CSF1R: variants seen among roughly 807,000 people sequenced by gnomAD.
The protein encoded by CSF1R is colony stimulating factor 1 receptor.
A neutral mutation model predicts 110.0 loss-of-function variants in CSF1R; 40 were observed. The observed-to-expected ratio is 0.36, with a 90% CI of 0.28 to 0.47. The LOEUF is 0.47. CSF1R is among the 20% of genes least tolerant of loss of function. The pLI is 0.99. For missense variants in CSF1R, 1,052 were observed against 1,253.0 expected (o/e 0.84, Z 2.42); for synonymous variants, 523 against 503.4 (o/e 1.04, Z -0.52).
At chr5:150,090,538 A>G (rs1458089891), upstream of CSF1R, among the ~76,000 whole-genome samples, 1 of 152,204 alleles carries the variant, frequency 6.6e-6, no homozygotes, top group Non-Finnish European at 1.5e-5. Flanking sequence ...TTACAGGATA[A>G]TGTCATATAA....
intron 1 of CSF1R, among the ~76,000 whole-genome samples, chr5:150,103,859 T>C (rs1472447087): frequency 6.6e-6 from 1 of 152,198 alleles, no homozygotes; most frequent in African/African-American, 2.4e-5. Context: ...CCTGACAACC[T>C]GGCAGGGTGC....
chr5:150,068,977 T>C (rs1757907810), intron 9 of CSF1R, among the ~76,000 whole-genome samples: 1 of 152,124 alleles, frequency 6.6e-6, no homozygotes, highest in Admixed American at 6.5e-5. Context: ...CTAGGGAAAA[T>C]TCTATTTATT....
At chr5:150,077,255 C>T (rs2113823698) in intron 5 of CSF1R, 21 bp downstream of exon 5, 3 of 1,614,072 alleles carry the variant, frequency 1.9e-6, no homozygotes, top group Non-Finnish European at 2.5e-6. Context: ...ACCGACTGTC[C>T]ACCACCACCC....
intron 1 of CSF1R, among the ~76,000 whole-genome samples, chr5:150,082,852 A>G (rs1051049435): frequency 1.3e-5 from 2 of 152,166 alleles, no homozygotes; most frequent in Admixed American, 6.5e-5. Flanking sequence ...CTACATTTCT[A>G]ATGTCCCTTC....
At chr5:150,093,930 G>A (rs955079537) in intron 1 of CSF1R, among the ~76,000 whole-genome samples, 6 of 152,096 alleles carry the variant, frequency 3.9e-5, no homozygotes, top group Non-Finnish European at 4.4e-5. Flanking sequence ...GGGTGTGGTG[G>A]CAGGTGCCTG....
In CSF1R at chr5:150,104,055, G is replaced by T. The variant is rs77755818; in HGVS notation, c.-181+9206C>A. 4.3e-4 allele frequency among the ~76,000 whole-genome samples: 66 copies of T among 152,254 alleles called. No homozygotes were observed. The East Asian group carries it at 7.0e-3, about 16-fold the overall frequency. On this transcript the variant is annotated intron_variant, in intron 1 of 21. Transcript: ENST00000286301. ...AGGGGGGTACCTGCACAGGTAACAA[G>T]CTCTCTAGCGGATTCTCATGCTCCC...
At position 150,059,861 on chromosome 5, in the gene CSF1R, G is replaced by A. The variant is rs2113787804; in HGVS notation, c.1971C>T (p.Gly657=). Residue 657 remains glycine, a splice_region_variant and synonymous_variant, in exon 14 of 21, where the codon GGC becomes GGT. Coordinates refer to ENST00000675795, the MANE Select transcript of CSF1R (RefSeq NM_001288705.3). ...VNLLGACTHG[G]PVLVITEYCC... Reference sequence around the variant, plus strand: ...AGTACTCCGTGATGACCAGTACAGGGCCTAGAGCAGCCAAGGGTGTGGGGT... The same window carrying A: ...AGTACTCCGTGATGACCAGTACAGGACCTAGAGCAGCCAAGGGTGTGGGGT... The A allele has an allele frequency of 6.2e-7, 1 of 1,607,014 alleles. No homozygotes were observed. The highest frequency in any genetic ancestry group is 8.5e-7 in the Non-Finnish European group (1 of 1,174,456).
At position 150,094,478 on chromosome 5, in the gene CSF1R, G is replaced by A. The variant is rs1581342647; in HGVS notation, c.-180-7871C>T. On this transcript the variant is annotated intron_variant, in intron 1 of 21. Coordinates refer to the CSF1R transcript ENST00000286301. Reference sequence around the variant, plus strand: ...ATGAAAAAGCAAAGCACTATCACAAGGAATATAGGCAGATGTACAGGACTG... The same window carrying A: ...ATGAAAAAGCAAAGCACTATCACAAAGAATATAGGCAGATGTACAGGACTG... 4 of 1,598,974 alleles carry A rather than the reference G, an allele frequency of 2.5e-6. No homozygotes were observed. The East Asian group carries it at 8.9e-5, about 36-fold the overall frequency.
chr5:150,094,308 G>C, intron 1 of CSF1R: 1 of 1,580,166 alleles, frequency 6.3e-7, no homozygotes, highest in Non-Finnish European at 8.6e-7. Context: ...AACCATGGAG[G>C]GTGTAGAAGA....
chr5:150,104,430 C>T (rs567535926), intron 1 of CSF1R, among the ~76,000 whole-genome samples: 25 of 152,348 alleles, frequency 1.6e-4, no homozygotes, highest in African/African-American at 5.8e-4. Context: ...CTGGAAGCCT[C>T]CCTGTTCCTG....
chr5:150,107,113 A>G (rs1581354251), intron 1 of CSF1R, among the ~76,000 whole-genome samples: 1 of 151,574 alleles, frequency 6.6e-6, no homozygotes, highest in South Asian at 2.1e-4. Context: ...ATGAATGAAT[A>G]AATGAAGAGC....
intron 3 of CSF1R, among the ~76,000 whole-genome samples, chr5:150,079,097 G>A (rs1032227973): frequency 2.0e-5 from 3 of 152,182 alleles, no homozygotes; most frequent in African/African-American, 7.2e-5. Flanking sequence ...AGATTCCTAA[G>A]GCCCAGGGAC....
At chr5:150,063,921 T>C (rs1006008571) in intron 10 of CSF1R, among the ~76,000 whole-genome samples, 1 of 152,092 alleles carries the variant, frequency 6.6e-6, no homozygotes, top group Non-Finnish European at 1.5e-5. Context: ...TTAAAGGAAG[T>C]GTGGACCGGT....
chr5:150,105,347 C>CAAAAAAAA (rs780403646), intron 1 of CSF1R, among the ~76,000 whole-genome samples: 18 of 76,544 alleles, frequency 2.4e-4, no homozygotes, highest in African/African-American at 9.1e-4. Flanking sequence ...GACTCTGTCT[C>CAAAAAAAA]AAAAAAAAAA....
chr5:150,095,914 A>C (rs2113857786), intron 1 of CSF1R, among the ~76,000 whole-genome samples: 1 of 152,328 alleles, frequency 6.6e-6, no homozygotes, highest in South Asian at 2.1e-4. Flanking sequence ...CATAAAATGG[A>C]CAAATTATTT....
chr5:150,093,197 G>A (rs970567160), intron 1 of CSF1R, among the ~76,000 whole-genome samples: 11 of 152,158 alleles, frequency 7.2e-5, no homozygotes, highest in African/African-American at 2.7e-4. Flanking sequence ...TCACGCATCA[G>A]CCTCCCAAGT....
intron 1 of CSF1R, among the ~76,000 whole-genome samples, chr5:150,085,268 CTG>C (rs1202142356): frequency 3.4e-5 from 2 of 58,520 alleles, no homozygotes; most frequent in Non-Finnish European, 6.4e-5. Context: ...GAGAGAGACT[CTG>C]TCTCAGGAAA....
Position 150,066,833 on chromosome 5 carries a change from G to A in CSF1R, c.1626+1382C>T, listed in dbSNP as rs761910392. On this transcript the variant is annotated intron_variant, in intron 10 of 20. Transcript: ENST00000675795. ...TCAAACCCACTGATGGCCTTGGACC[G>A]ACAGGGTGGGGTCCAACCCTTCAGA... Among the ~76,000 whole-genome samples the A allele has an allele frequency of 5.9e-5, 9 of 152,256 alleles. 1 individual carries two copies. Among genetic ancestry groups the A allele is most frequent in the East Asian group, 3.9e-4 (2 of 5,176 alleles).
intron 9 of CSF1R, among the ~76,000 whole-genome samples, chr5:150,069,621 T>G (rs1180544294): frequency 6.6e-6 from 1 of 151,652 alleles, no homozygotes; most frequent in Non-Finnish European, 1.5e-5. Context: ...GGGACAAGAG[T>G]GGGGGCCAGT....
Sources: gnomAD v4.1 joint callset for allele counts (sites outside exome capture counted in the v4.1 genomes callset) on GRCh38, gnomAD v4.1.1 for gene constraint, MANE v1.5 for transcripts, NCBI Gene and HGNC (gene_info 2026-07-23, HGNC 2026-07-21) for gene names.